The following CHI3L1 variants were observed in gnomAD, a reference collection of about 807,000 sequenced individuals.
CHI3L1 encodes chitinase 3 like 1, also known as chitinase-3-like protein 1.
Under a neutral mutation model 40.7 loss-of-function variants are expected in CHI3L1, and 30 were observed. The ratio of observed to expected loss-of-function variants is 0.74; its 90% CI spans 0.55 to 1.00. The LOEUF (loss-of-function observed/expected upper bound fraction) is 1.00, where lower values mean the gene tolerates loss of function less well. CHI3L1 is among the 50% of genes least tolerant of loss of function. The probability of loss-of-function intolerance (pLI) is 0.00; values close to 1 mark genes in which losing one functional copy is unlikely to be tolerated. For synonymous variants in CHI3L1, 210 were observed against 192.1 expected (o/e 1.09, Z -0.77); for missense variants, 493 against 492.2 (o/e 1.00, Z -0.01).
At chr1:203,186,207 A>G in intron 2 of CHI3L1, 109 bp downstream of exon 2, 2 of 1,203,368 alleles carry the variant, frequency 1.7e-6, no homozygotes, top group Non-Finnish European at 2.4e-6. Flanking sequence ...CATTGGAAGC[A>G]CAGAAGAACC....
intron 3 of CHI3L1, 117 bp downstream of exon 3, chr1:203,185,067 C>A: frequency 1.2e-6 from 1 of 831,796 alleles, no homozygotes. Context: ...CCAAGCCCCT[C>A]TAACTCTCCA....
chr1:203,181,693 C>T (rs1655941119), intron 6 of CHI3L1: 2 of 178,690 alleles, frequency 1.1e-5, no homozygotes, highest in South Asian at 1.1e-4. Context: ...GCCAGACAGG[C>T]CACTAGCCCG....
intron 2 of CHI3L1, 95 bp from the exon 3 acceptor site, chr1:203,185,480 G>A (rs1571829951): frequency 3.9e-6 from 4 of 1,033,678 alleles, no homozygotes; most frequent in Non-Finnish European, 6.0e-6. Context: ...GTGGGGTTGG[G>A]TAGGGAGGAG....
At position 203,183,737 on chromosome 1, in the gene CHI3L1, T is replaced by A. The variant is rs77710916; in HGVS notation, c.369A>T (p.Val123=). The part of the protein sequence containing the change: ...TQSRRTFIKS[V]PPFLRTHGFD... ...AGCCATGGGTGCGCAGAAATGGCGG[T>A]ACTGACTTGATGAAAGTCCGGCGAC... is the stretch of plus-strand genomic sequence containing the variant. Residue 123 remains valine, a synonymous_variant, in exon 5 of 10, where the codon GTA becomes GTT. Transcript: ENST00000255409. 1 of 1,614,108 alleles carries A rather than the reference T, an allele frequency of 6.2e-7. No individual in the cohort carries two copies. The highest frequency in any genetic ancestry group is 8.5e-7 in the Non-Finnish European group (1 of 1,180,010).
chr1:203,182,641 A>C, intron 6 of CHI3L1, 90 bp downstream of exon 6: 1 of 1,467,378 alleles, frequency 6.8e-7, no homozygotes, highest in Non-Finnish European at 9.5e-7. Context: ...CAGTGTCCTC[A>C]GTCTACATGG....
In CHI3L1 at chr1:203,180,460, A is replaced by C. The variant is rs200906941; in HGVS notation, c.894+10T>G. Reference sequence around the variant, plus strand: ...GTGGGGGAATCCTACCTTCTCCCCAACTCCATTACCTCATAGTAGGCAAGG... The same window carrying C: ...GTGGGGGAATCCTACCTTCTCCCCACCTCCATTACCTCATAGTAGGCAAGG... On this transcript the variant is annotated intron_variant, in intron 8 of 9. Coordinates refer to ENST00000255409, the MANE Select transcript of CHI3L1 (RefSeq NM_001276.4). The C allele has an allele frequency of 3.9e-6, 6 of 1,546,536 alleles. No homozygotes were observed. Among genetic ancestry groups the C allele is most frequent in the Non-Finnish European group, 5.2e-6 (6 of 1,151,342 alleles).
At chr1:203,182,625 G>A (rs1047044736) in intron 6 of CHI3L1, 106 bp downstream of exon 6, 3 of 1,309,758 alleles carry the variant, frequency 2.3e-6, no homozygotes, top group Admixed American at 3.6e-5. Flanking sequence ...ACTGGGACTG[G>A]AAGCCCAGTG....
Position 203,179,838 on chromosome 1 carries a change from G to C in CHI3L1, c.934C>G (p.Leu312Val). ...GTGGCATAGGGGACCTGCTGGCCGA[G>C]GATTCTATGGACTGTGGCTCCGCGG... ...FLRGATVHRI[L>V]GQQVPYATKG... The change falls in exon 9 of 10, where the codon CTC becomes GTC. Residue 312 changes from leucine (L) to valine (V), a missense_variant. Coordinates refer to ENST00000255409, the MANE Select transcript of CHI3L1 (RefSeq NM_001276.4). The C allele has an allele frequency of 6.2e-7, 1 of 1,614,190 alleles. No homozygotes were observed. The highest frequency in any genetic ancestry group is 8.5e-7 in the Non-Finnish European group (1 of 1,180,020).
chr1:203,181,092 G>C (rs1050043201), intron 7 of CHI3L1, 70 bp downstream of exon 7: 1 of 1,579,304 alleles, frequency 6.3e-7, no homozygotes, highest in African/African-American at 1.3e-5. Context: ...TAGAGAGATT[G>C]GTGTGTGAGC....
intron 4 of CHI3L1, 79 bp downstream of exon 4, chr1:203,184,497 C>T (rs1656012208): frequency 8.6e-7 from 1 of 1,162,472 alleles, no homozygotes; most frequent in African/African-American, 1.5e-5. Flanking sequence ...AACATCCATA[C>T]AGTGGATGCG....
rs371464402 is a variant in CHI3L1 at position 203,181,182 on chromosome 1, G to A, written c.691C>T (p.Pro231Ser). 59 of 1,614,052 alleles carry A rather than the reference G, an allele frequency of 3.7e-5. No individual in the cohort carries two copies. The highest frequency in any genetic ancestry group is 3.0e-4 in the Admixed American group (18 of 59,990). The change falls in exon 7 of 10, where the codon CCT (proline) becomes TCT (serine). Residue 231 changes from proline (P) to serine (S), a missense_variant. By Grantham distance (74) the Pro-to-Ser change is moderately conservative (BLOSUM62 -1). Transcript: ENST00000255409. ...PLFRGQEDAS[P>S]DRFSNTDYAV... is the part of the protein sequence containing the mutation. ...CTCACAGTGTTGCTGAATCTGTCAG[G>A]ACTTGCATCCTCCTGACCTCGGAAC...
chr1:203,184,236 TC>T (rs1656007023), intron 4 of CHI3L1, among the ~76,000 whole-genome samples: 1 of 152,156 alleles, frequency 6.6e-6, no homozygotes, highest in South Asian at 2.1e-4. Context: ...TCTCCCCACT[TC>T]TCAATGTCCC....
At chr1:203,184,740 G>A in intron 3 of CHI3L1, 108 bp from the exon 4 acceptor site, 2 of 864,670 alleles carry the variant, frequency 2.3e-6, no homozygotes, top group Non-Finnish European at 1.9e-6. Context: ...TTGGGTGAGA[G>A]GCTGGGTTAG....
rs145322357 is a variant in CHI3L1 at position 203,179,774 on chromosome 1, C to T, written c.998G>A (p.Ser333Asn). The T allele has an allele frequency of 1.2e-6, 2 of 1,614,096 alleles. No individual in the cohort carries two copies. Among genetic ancestry groups the T allele is most frequent in the South Asian group, 1.1e-5 (1 of 91,096 alleles). ...GGGGAAACCTACCTTGCTTTTGACGCTTTCCTGGTCGTCGTATCCTACCCA... is the reference window on the plus strand; with the variant it reads ...GGGGAAACCTACCTTGCTTTTGACGTTTTCCTGGTCGTCGTATCCTACCCA... ...NQWVGYDDQE[S>N]VKSKVQYLKD... The change falls in exon 9 of 10, where the codon AGC (serine) becomes AAC (asparagine). Residue 333 changes from serine to asparagine, a missense_variant. Transcript: ENST00000255409.
chr1:203,185,524 TAA>T, intron 2 of CHI3L1, 139 bp from the exon 3 acceptor site: 1 of 689,590 alleles, frequency 1.5e-6, no homozygotes, highest in East Asian at 2.7e-5. Context: ...TCAGAATTCT[TAA>T]ATGAAAGGAG....
In CHI3L1 at chr1:203,186,299, G is replaced by T. The variant is rs1460786781; in HGVS notation, c.55+17C>A. The stretch of plus-strand genomic sequence containing the variant: ...CACGCCTCTGGACTTAAAAGTGGAG[G>T]TGGAGGGATTACTCACAGCACTGGA... On this transcript the variant is annotated intron_variant, in intron 2 of 9. Transcript: ENST00000255409. 3 of 1,581,698 alleles carry T rather than the reference G, an allele frequency of 1.9e-6. No individual in the cohort carries two copies. The highest frequency in any genetic ancestry group is 2.6e-6 in the Non-Finnish European group (3 of 1,162,826).
intron 9 of CHI3L1, 29 bp from the exon 10 acceptor site, chr1:203,179,614 C>A (rs1558147361): frequency 2.5e-6 from 4 of 1,613,264 alleles, no homozygotes; most frequent in Non-Finnish European, 3.4e-6. Flanking sequence ...AGGAGCAGGG[C>A]TGGGTTCCCT....
chr1:203,184,501 G>A lies in CHI3L1; in HGVS notation c.314+75C>T, dbSNP rs1025558689. ...GGAGCCCCTGGAACATCCATACAGT[G>A]GATGCGGGAGACCCAAGCTCCTCAC... On this transcript the variant is annotated intron_variant, in intron 4 of 9. Transcript: ENST00000255409. The A allele has an allele frequency of 2.5e-6, 3 of 1,217,700 alleles. No homozygotes were observed. In the Admixed American group the frequency reaches 5.1e-5, roughly 21 times the overall value. The allele number at this position is 1,217,700 out of a possible 1,614,324, so 75.4% of individuals were successfully genotyped here.
intron 4 of CHI3L1, 72 bp downstream of exon 4, chr1:203,184,504 T>C (rs1486850261): frequency 8.0e-7 from 1 of 1,251,586 alleles, no homozygotes; most frequent in Non-Finnish European, 1.2e-6. Context: ...ATACAGTGGA[T>C]GCGGGAGACC....
Sources: allele counts gnomAD v4.1 joint callset (sites outside exome capture counted in the v4.1 genomes callset), GRCh38; gene constraint gnomAD v4.1.1; transcripts MANE v1.5; gene names NCBI Gene and HGNC (gene_info 2026-07-23, HGNC 2026-07-21).